Variants in ATG14 observed in about 807,000 individuals in gnomAD.
The protein encoded by ATG14 is beclin 1-associated autophagy-related key regulator.
In ATG14, 35 loss-of-function variants were observed where a neutral mutation model predicts 60.4. The ratio of observed to expected loss-of-function variants is 0.58; its 90% CI spans 0.44 to 0.77. The LOEUF (loss-of-function observed/expected upper bound fraction) is 0.77. ATG14 is among the 30% of genes least tolerant of loss of function. ATG14 has a pLI of 0.00. For synonymous variants in ATG14, 234 were observed against 228.8 expected, an observed-to-expected ratio of 1.02 and a Z score of -0.21; for missense variants, 647 against 626.3, an observed-to-expected ratio of 1.03 and a Z score of -0.35.
intron 2 of ATG14, 74 bp from the exon 3 acceptor site, chr14:55,396,056 A>G (rs1297011405): frequency 8.6e-7 from 1 of 1,165,780 alleles, no homozygotes; most frequent in East Asian, 2.5e-5. Flanking sequence ...TGTAAAATCA[A>G]ACACTTAAAA....
At chr14:55,371,736 G>A (rs374504369) in intron 9 of ATG14, among the ~76,000 whole-genome samples, 1 of 151,992 alleles carries the variant, frequency 6.6e-6, no homozygotes, top group African/African-American at 2.4e-5. Context: ...CCCCAGAGGC[G>A]GAGCTTGCAG....
chr14:55,369,033 C>G lies in ATG14; in HGVS notation c.*586G>C, dbSNP rs963222708. 6.9e-6 allele frequency: 1 copy of G among 144,148 alleles called. No individual in the cohort carries two copies. Among genetic ancestry groups the G allele is most frequent in the Non-Finnish European group, 1.6e-5 (1 of 64,250 alleles). 8.9% of individuals were successfully genotyped at this position (144,148 alleles called of 1,614,324 possible). On this transcript the variant is annotated 3_prime_UTR_variant, in exon 10 of 10. Coordinates refer to ENST00000247178, the MANE Select transcript of ATG14 (RefSeq NM_014924.5). ...AAGAAAAACAGGAATGTCTGACAAA[C>G]TACGACAGAGCAGCATGAATAAAAT...
intron 9 of ATG14, among the ~76,000 whole-genome samples, chr14:55,375,467 C>A (rs1339566119): frequency 2.0e-5 from 3 of 149,234 alleles, no homozygotes; most frequent in African/African-American, 7.4e-5. Context: ...GGACTACAGG[C>A]ATGCATTACC....
chr14:55,400,447 C>T (rs772704807), intron 1 of ATG14, among the ~76,000 whole-genome samples: 4 of 152,228 alleles, frequency 2.6e-5, no homozygotes, highest in South Asian at 2.1e-4. Flanking sequence ...AATAGGTACA[C>T]GGCATTTCAC....
At chr14:55,389,496 A>G (rs1000369373) in intron 4 of ATG14, among the ~76,000 whole-genome samples, 6 of 152,192 alleles carry the variant, frequency 3.9e-5, no homozygotes, top group African/African-American at 1.4e-4. Flanking sequence ...AATGTTTTCA[A>G]TGGAAGCTTT....
chr14:55,388,370 T>A lies in ATG14; in HGVS notation c.410-2274A>T, dbSNP rs112146878. Among the ~76,000 whole-genome samples, 2 of 152,318 alleles carry A rather than the reference T, an allele frequency of 1.3e-5. 1 individual carries two copies. Among genetic ancestry groups the A allele is most frequent in the African/African-American group, 4.8e-5 (2 of 41,564 alleles). On this transcript the variant is annotated intron_variant, in intron 4 of 9. Coordinates refer to ENST00000247178, the MANE Select transcript of ATG14 (RefSeq NM_014924.5). ...ACCACTTGCAGGTGGCAGGAAATCA[T>A]CAGTCACCTCATCTGCACCCAGTGC...
At chr14:55,408,779 T>A (rs754557375) in intron 1 of ATG14, among the ~76,000 whole-genome samples, 23 of 151,992 alleles carry the variant, frequency 1.5e-4, no homozygotes, top group South Asian at 4.2e-4. Context: ...TCAAAAAAAA[T>A]AAAATAAAAT....
intron 5 of ATG14, among the ~76,000 whole-genome samples, chr14:55,383,079 G>A (rs897525164): frequency 2.0e-5 from 3 of 152,116 alleles, no homozygotes; most frequent in Admixed American, 6.5e-5. Context: ...CTAGTTCAGC[G>A]TGCAGCTCAG....
At chr14:55,374,731 C>T (rs1884887020) in intron 9 of ATG14, among the ~76,000 whole-genome samples, 1 of 151,946 alleles carries the variant, frequency 6.6e-6, no homozygotes, top group Admixed American at 6.6e-5. Flanking sequence ...TCAACTTTTC[C>T]CCCATATGAA....
intron 1 of ATG14, among the ~76,000 whole-genome samples, chr14:55,402,421 G>C (rs577035716): frequency 6.6e-6 from 1 of 152,042 alleles, no homozygotes; most frequent in East Asian, 1.9e-4. Flanking sequence ...GCATTTCAAA[G>C]AATCTATCCT....
chr14:55,382,335 A>C (rs1885050659), intron 5 of ATG14, 144 bp from the exon 6 acceptor site: 2 of 665,088 alleles, frequency 3.0e-6, no homozygotes, highest in African/African-American at 3.6e-5. Flanking sequence ...TATTTTAGAG[A>C]TGGGTGTCAC....
intron 9 of ATG14, among the ~76,000 whole-genome samples, chr14:55,374,879 C>G (rs1441527389): frequency 6.6e-6 from 1 of 152,202 alleles, no homozygotes; most frequent in Non-Finnish European, 1.5e-5. Flanking sequence ...TGCATGCTAA[C>G]AGCACTCTGT....
chr14:55,408,365 G>C (rs1228750455), intron 1 of ATG14, among the ~76,000 whole-genome samples: 2 of 152,170 alleles, frequency 1.3e-5, no homozygotes, highest in East Asian at 3.9e-4. Context: ...TGAGACAGGA[G>C]AATCGCTTGA....
intron 2 of ATG14, among the ~76,000 whole-genome samples, chr14:55,396,365 A>T (rs1885313877): frequency 6.6e-6 from 1 of 152,230 alleles, no homozygotes; most frequent in Admixed American, 6.5e-5. Context: ...GGTTCTATGG[A>T]ATAAAATGTT....
intron 9 of ATG14, among the ~76,000 whole-genome samples, chr14:55,374,834 G>A (rs1324699795): frequency 1.3e-5 from 2 of 151,984 alleles, no homozygotes; most frequent in Admixed American, 6.6e-5. Flanking sequence ...AGTCTGTTTC[G>A]GGACTATTTT....
intron 3 of ATG14, among the ~76,000 whole-genome samples, chr14:55,392,402 C>T (rs1441597484): frequency 2.0e-5 from 3 of 152,090 alleles, no homozygotes; most frequent in Non-Finnish European, 4.4e-5. Flanking sequence ...TAATCCTAGA[C>T]TTTGGGAAGC....
Position 55,381,167 on chromosome 14 carries a change from C to G in ATG14, c.878-477G>C, listed in dbSNP as rs189407349. ...TTTACTTGCTTCCTACCTTTCTCCC[C>G]TGAGAAGGGCAAAGGGCCACCTCTG... On this transcript the variant is annotated intron_variant, in intron 6 of 9. Transcript: ENST00000247178. Among the ~76,000 whole-genome samples, 5 of 152,186 alleles carry G rather than the reference C, an allele frequency of 3.3e-5. No homozygotes were observed. In the East Asian group the frequency reaches 9.7e-4, roughly 29 times the overall value.
In ATG14 at chr14:55,369,543, A is replaced by C; in HGVS notation, c.*76T>G. 1 of 1,312,612 alleles carries C rather than the reference A, an allele frequency of 7.6e-7. No homozygotes were observed. The highest frequency in any genetic ancestry group is 1.0e-6 in the Non-Finnish European group (1 of 978,678). The allele number at this position is 1,312,612 out of a possible 1,614,324, so 81.3% of individuals were successfully genotyped here. A position where few individuals can be genotyped will look rare whatever the true frequency, so the allele number is the denominator to read the frequency against. Reference sequence around the variant, plus strand: ...TGTTCCAGACACTATCTTAACTTAAACAGAAAATGTTTACTAGAGTGTAGT... The same window carrying C: ...TGTTCCAGACACTATCTTAACTTAACCAGAAAATGTTTACTAGAGTGTAGT... On this transcript the variant is annotated 3_prime_UTR_variant, in exon 10 of 10. Transcript: ENST00000247178.
At chr14:55,397,512 C>T in intron 1 of ATG14, 78 bp from the exon 2 acceptor site, 1 of 1,128,916 alleles carries the variant, frequency 8.9e-7, no homozygotes. Flanking sequence ...TCCCAAGAAC[C>T]AATCATTCTG....
Sources: gnomAD v4.1 joint callset for allele counts (sites outside exome capture counted in the v4.1 genomes callset) on GRCh38, gnomAD v4.1.1 for gene constraint, MANE v1.5 for transcripts, NCBI Gene and HGNC (gene_info 2026-07-23, HGNC 2026-07-21) for gene names.